DLGAP2: variants seen among roughly 807,000 people sequenced by gnomAD.
DLGAP2 encodes the protein DLG associated protein 2.
In DLGAP2, 26 loss-of-function variants were observed where a neutral mutation model predicts 100.3. The observed-to-expected ratio is 0.26, with a 90% CI of 0.19 to 0.36. The LOEUF (loss-of-function observed/expected upper bound fraction) is 0.36, where lower values mean the gene tolerates loss of function less well. Ranked by LOEUF, DLGAP2 falls within the 10% of genes least tolerant of loss-of-function variation. The probability of loss-of-function intolerance (pLI) is 1.00; values close to 1 mark genes in which losing one functional copy is unlikely to be tolerated. For missense variants in DLGAP2, 1,858 were observed against 1,453.2 expected (o/e 1.28, Z -4.53); for synonymous variants, 886 against 630.1 (o/e 1.41, Z -6.08).
intron 4 of DLGAP2, among the ~76,000 whole-genome samples, chr8:1,503,189 A>C: frequency 6.6e-6 from 1 of 152,174 alleles, no homozygotes; most frequent in East Asian, 1.9e-4. Flanking sequence ...CAACAGCATT[A>C]AATGCATTCA....
intron 2 of DLGAP2, among the ~76,000 whole-genome samples, chr8:1,145,691 C>G (rs985578620): frequency 6.6e-6 from 1 of 150,886 alleles, no homozygotes; most frequent in African/African-American, 2.4e-5. Context: ...TATACATGTG[C>G]CATGCTGGTG....
chr8:1,505,662 C>T (rs1799884403), intron 4 of DLGAP2, among the ~76,000 whole-genome samples: 1 of 152,194 alleles, frequency 6.6e-6, no homozygotes. Flanking sequence ...ATTAATGTAG[C>T]ACATTCAAAA....
chr8:1,573,945 C>G (rs989333397), intron 6 of DLGAP2, among the ~76,000 whole-genome samples: 1 of 152,142 alleles, frequency 6.6e-6, no homozygotes, highest in South Asian at 2.1e-4. Flanking sequence ...AGGTAACTTA[C>G]AAGTGTAAAG....
intron 1 of DLGAP2, among the ~76,000 whole-genome samples, chr8:872,865 C>G (rs533346476): frequency 1.3e-5 from 2 of 152,130 alleles, no homozygotes; most frequent in East Asian, 1.9e-4. Context: ...TCCTCAATAT[C>G]CAGGGTGGGG....
At chr8:1,597,926 AG>A (rs1796509775) in intron 6 of DLGAP2, among the ~76,000 whole-genome samples, 1 of 152,236 alleles carries the variant, frequency 6.6e-6, no homozygotes, top group Non-Finnish European at 1.5e-5. Context: ...ATGGTGAGAC[AG>A]GGCATCCCTG....
intron 1 of DLGAP2, among the ~76,000 whole-genome samples, chr8:831,623 C>CA (rs1327990857): frequency 6.6e-6 from 1 of 152,148 alleles, no homozygotes; most frequent in Non-Finnish European, 1.5e-5. Context: ...CATTGATGGA[C>CA]ATTTGGGTTG....
intron 2 of DLGAP2, among the ~76,000 whole-genome samples, chr8:923,125 G>A (rs1798748102): frequency 6.6e-6 from 1 of 152,208 alleles, no homozygotes; most frequent in Non-Finnish European, 1.5e-5. Context: ...CAAGTTACTA[G>A]GTAGCAAACC....
Position 1,157,996 on chromosome 8 carries a change from C to T in DLGAP2, c.74-100855C>T, listed in dbSNP as rs542449330. Reference sequence around the variant, plus strand: ...ATACAAGAGACAGATTCCAGTTTTACAGAGGAGAATCCTGGGCACCAAAGT... The same window carrying T: ...ATACAAGAGACAGATTCCAGTTTTATAGAGGAGAATCCTGGGCACCAAAGT... On this transcript the variant is annotated intron_variant, in intron 2 of 14. Transcript: ENST00000637795. Among the ~76,000 whole-genome samples the T allele has an allele frequency of 2.5e-4, 38 of 152,368 alleles. 1 individual carries two copies. Among genetic ancestry groups the T allele is most frequent in the African/African-American group, 9.1e-4 (38 of 41,604 alleles).
chr8:1,160,807 T>C (rs1796874983), intron 2 of DLGAP2, among the ~76,000 whole-genome samples: 1 of 152,218 alleles, frequency 6.6e-6, no homozygotes, highest in South Asian at 2.1e-4. Context: ...GGATGGTTTT[T>C]TCACCACCTC....
chr8:1,294,974 T>C (rs1015333031), intron 3 of DLGAP2, among the ~76,000 whole-genome samples: 1 of 152,102 alleles, frequency 6.6e-6, no homozygotes, highest in Non-Finnish European at 1.5e-5. Context: ...TTACAAGATA[T>C]TTAAACTTCA....
chr8:746,276 G>A (rs1022143468), intron 1 of DLGAP2, among the ~76,000 whole-genome samples: 18 of 152,226 alleles, frequency 1.2e-4, no homozygotes, highest in African/African-American at 3.9e-4. Context: ...TCTGTTGAAC[G>A]TTTCCTATGT....
At position 798,450 on chromosome 8, in the gene DLGAP2, G is replaced by A. The variant is rs1376800533; in HGVS notation, c.18+60625G>A. ...TTGTTGATTCAGAACCTGCAGCCCC[G>A]TGCCCCGGCGCTGACCAGGTGATGG... On this transcript the variant is annotated intron_variant, in intron 1 of 14. Coordinates refer to ENST00000637795, the MANE Select transcript of DLGAP2 (RefSeq NM_001346810.2). Among the ~76,000 whole-genome samples, 4 of 147,348 alleles carry A rather than the reference G, an allele frequency of 2.7e-5. No homozygotes were observed. In the South Asian group the frequency reaches 6.5e-4, roughly 24 times the overall value.
rs976169033 is a variant in DLGAP2, at chr8:1,104,755, C to T, written c.74-154096C>T. 2.6e-5 allele frequency: 4 copies of T among 152,440 alleles called. No individual in the cohort carries two copies. The East Asian group carries it at 7.7e-4, about 29-fold the overall frequency. The allele number at this position is 152,440 out of a possible 1,614,324, so 9.4% of individuals were successfully genotyped here. A position where few individuals can be genotyped will look rare whatever the true frequency, so the allele number is the denominator to read the frequency against. ...TGCCACCTCCTTCCCCAGTTTGCTC[C>T]TGTGCCCGAGGCCTGTCAGCGAGGC... On this transcript the variant is annotated intron_variant, in intron 2 of 14. Coordinates refer to ENST00000637795, the MANE Select transcript of DLGAP2 (RefSeq NM_001346810.2).
chr8:892,745 G>A (rs1798062608), intron 1 of DLGAP2, among the ~76,000 whole-genome samples: 2 of 152,204 alleles, frequency 1.3e-5, no homozygotes, highest in South Asian at 4.1e-4. Context: ...GGATGGGTAG[G>A]AGAGGCCGAG....
At chr8:1,242,259 G>T (rs1403109193) in intron 2 of DLGAP2, among the ~76,000 whole-genome samples, 1 of 152,150 alleles carries the variant, frequency 6.6e-6, no homozygotes, top group Admixed American at 6.5e-5. Flanking sequence ...AGGGGAGGTC[G>T]GGGGAAAGGG....
intron 3 of DLGAP2, among the ~76,000 whole-genome samples, chr8:1,455,045 T>C (rs1475546187): frequency 6.6e-6 from 1 of 152,100 alleles, no homozygotes; most frequent in Admixed American, 6.5e-5. Context: ...GAGGGGGGGA[T>C]ACCGGATGCA....
Position 1,359,661 on chromosome 8 carries a change from G to T in DLGAP2, c.106+100778G>T, listed in dbSNP as rs575603037. 2.0e-5 allele frequency among the ~76,000 whole-genome samples: 3 copies of T among 152,344 alleles called. No individual in the cohort carries two copies. The East Asian group carries it at 5.8e-4, about 30-fold the overall frequency. ...TGTGGGTGATGCGGTGGCGCTGGCA[G>T]ATAGCCATCCCCTCCCAATCCCACG... On this transcript the variant is annotated intron_variant, in intron 3 of 14. Coordinates refer to ENST00000637795, the MANE Select transcript of DLGAP2 (RefSeq NM_001346810.2).
intron 3 of DLGAP2, among the ~76,000 whole-genome samples, chr8:1,323,080 G>T (rs1800943148): frequency 6.6e-6 from 1 of 151,282 alleles, no homozygotes; most frequent in African/African-American, 2.4e-5. Context: ...ACCCAGACTG[G>T]AGTGCAATGG....
At chr8:1,211,035 C>T (rs910499727) in intron 2 of DLGAP2, among the ~76,000 whole-genome samples, 18 of 152,246 alleles carry the variant, frequency 1.2e-4, no homozygotes, top group African/African-American at 2.9e-4. Flanking sequence ...GAGGACCTGG[C>T]AGGCTCGGCT....
Sources: gnomAD v4.1 joint callset for allele counts (sites outside exome capture counted in the v4.1 genomes callset) on GRCh38, gnomAD v4.1.1 for gene constraint, MANE v1.5 for transcripts, NCBI Gene and HGNC (gene_info 2026-07-23, HGNC 2026-07-21) for gene names.